The following MYT1L variants were observed in gnomAD, a reference collection of about 807,000 sequenced individuals.
The protein encoded by MYT1L is myelin transcription factor 1-like protein.
In MYT1L, 12 loss-of-function variants were observed where a neutral mutation model predicts 126.7. The observed-to-expected ratio is 0.09, with a 90% CI of 0.06 to 0.15. MYT1L has a LOEUF of 0.15. Ranked by LOEUF, MYT1L falls within the 10% of genes least tolerant of loss-of-function variation. The pLI is 1.00. For missense variants in MYT1L, 979 were observed against 1,585.2 expected (o/e 0.62, Z 6.49); for synonymous variants, 541 against 604.2 (o/e 0.90, Z 1.53).
intron 2 of MYT1L, among the ~76,000 whole-genome samples, chr2:2,183,729 T>C (rs1430360974): frequency 7.3e-6 from 1 of 137,088 alleles, no homozygotes; most frequent in African/African-American, 2.8e-5. Flanking sequence ...TTTGGAGATA[T>C]AACTAAAAGA....
At chr2:2,021,585 T>C (rs1027105676) in intron 4 of MYT1L, among the ~76,000 whole-genome samples, 1 of 152,188 alleles carries the variant, frequency 6.6e-6, no homozygotes, top group Non-Finnish European at 1.5e-5. Flanking sequence ...AGATGACTTT[T>C]ACTTGCATTC....
Position 1,979,841 on chromosome 2 carries a change from C to A in MYT1L, c.1-64G>T. The stretch of plus-strand genomic sequence containing the variant: ...CCTGTGCAGGCCAGCCCTGCAGGGG[C>A]GGCTCACTCTCCCTGGCATTCTATT... On this transcript the variant is annotated intron_variant, in intron 5 of 24. Transcript: ENST00000647738. The surrounding 1 kb of genome is among the most constrained non-coding windows in gnomAD (Gnocchi z 4.0). 6.5e-7 allele frequency: 1 copy of A among 1,549,930 alleles called. No individual in the cohort carries two copies. The highest frequency in any genetic ancestry group is 8.9e-7 in the Non-Finnish European group (1 of 1,124,910).
chr2:2,162,974 G>C (rs557649080), intron 3 of MYT1L, among the ~76,000 whole-genome samples: 2 of 152,202 alleles, frequency 1.3e-5, no homozygotes, highest in Admixed American at 1.3e-4. Flanking sequence ...TTTACTGCCC[G>C]CACTGATAAA....
Position 1,848,125 on chromosome 2 carries a change from G to A in MYT1L, c.2774+3516C>T, listed in dbSNP as rs1049829726. ...CAGCGCATCTGTGGAGATGGTGGAG[G>A]ACAGCTCCTCACCCAGTTTCCCAGA... On this transcript the variant is annotated intron_variant, in intron 19 of 24. Coordinates refer to ENST00000647738, the MANE Select transcript of MYT1L (RefSeq NM_001303052.2). The surrounding 1 kb of genome is among the most constrained non-coding windows in gnomAD (Gnocchi z 4.8). Among the ~76,000 whole-genome samples, 2 of 152,210 alleles carry A rather than the reference G, an allele frequency of 1.3e-5. No individual in the cohort carries two copies. The highest frequency in any genetic ancestry group is 2.9e-5 in the Non-Finnish European group (2 of 68,034).
At chr2:1,841,651 T>C (rs2041733489) in intron 19 of MYT1L, 1 of 151,650 alleles carries the variant, frequency 6.6e-6, no homozygotes, top group Non-Finnish European at 1.5e-5. Context: ...GGAAAGACGC[T>C]GGGGGAGGTT....
At chr2:1,985,712 C>T (rs550427069) in intron 5 of MYT1L, among the ~76,000 whole-genome samples, 10 of 152,354 alleles carry the variant, frequency 6.6e-5, no homozygotes, top group East Asian at 1.9e-4. Flanking sequence ...TTAAAAATCA[C>T]GCTACAAATC....
In MYT1L at chr2:1,912,134, A is replaced by G; in HGVS notation, c.1619-24T>C. 6.5e-6 allele frequency: 10 copies of G among 1,530,428 alleles called. No homozygotes were observed. Among genetic ancestry groups the G allele is most frequent in the Non-Finnish European group, 8.9e-6 (10 of 1,118,910 alleles). 94.8% of individuals were successfully genotyped at this position (1,530,428 alleles called of 1,614,324 possible). ...GACTTGACAGGGAGAGGCAAAGAGA[A>G]CAGCCAGTGTTAAAACAGAGGCACG... On this transcript the variant is annotated intron_variant, in intron 11 of 24. Transcript: ENST00000647738. This position sits in a 1 kb window ranked among gnomAD's most constrained non-coding sequence, Gnocchi z 4.3.
chr2:2,321,023 G>A (rs1034777366), intron 1 of MYT1L, among the ~76,000 whole-genome samples: 1 of 152,188 alleles, frequency 6.6e-6, no homozygotes, highest in Admixed American at 6.5e-5. Context: ...ATGCCATGCT[G>A]GCATGAGGTA....
chr2:2,016,438 C>T (rs1040432246), intron 4 of MYT1L, among the ~76,000 whole-genome samples: 13 of 152,208 alleles, frequency 8.5e-5, no homozygotes, highest in African/African-American at 3.1e-4. Flanking sequence ...GATGGGGAAG[C>T]ACACGAAACC....
intron 14 of MYT1L, 109 bp from the exon 15 acceptor site, chr2:1,892,396 G>T: frequency 7.0e-7 from 1 of 1,435,658 alleles, no homozygotes. Context: ...AGCCGCGTGG[G>T]ACGGCCCTCA....
At chr2:1,881,601 G>A (rs1282951273) in intron 18 of MYT1L, among the ~76,000 whole-genome samples, 1 of 152,076 alleles carries the variant, frequency 6.6e-6, no homozygotes, top group Non-Finnish European at 1.5e-5. Context: ...TGGTAGCACT[G>A]GGTCCCTGGA....
At chr2:2,080,661 G>T (rs1047454805) in intron 3 of MYT1L, among the ~76,000 whole-genome samples, 5 of 152,088 alleles carry the variant, frequency 3.3e-5, no homozygotes, top group African/African-American at 1.2e-4. Flanking sequence ...GGTGGCTATT[G>T]CAAAAAAGGA....
intron 3 of MYT1L, among the ~76,000 whole-genome samples, chr2:2,167,657 C>T (rs1032762966): frequency 1.8e-4 from 28 of 152,244 alleles, no homozygotes; most frequent in African/African-American, 6.5e-4. Flanking sequence ...CACATCTGAA[C>T]TGTGCTTGTC....
chr2:1,860,830 G>T (rs568448020), intron 18 of MYT1L, among the ~76,000 whole-genome samples: 1 of 152,064 alleles, frequency 6.6e-6, no homozygotes, highest in Non-Finnish European at 1.5e-5. Flanking sequence ...GAGGGTTAAT[G>T]GTGGGGGCTG....
rs534888836 is a variant in MYT1L, at chr2:2,040,170, C to A, written c.-158+13808G>T. Among the ~76,000 whole-genome samples the A allele has an allele frequency of 9.6e-4, 146 of 152,264 alleles. 2 individuals are homozygous for A. The South Asian group carries it at 0.03, about 31-fold the overall frequency. On this transcript the variant is annotated intron_variant, in intron 4 of 24. Coordinates refer to ENST00000647738, the MANE Select transcript of MYT1L (RefSeq NM_001303052.2). Reference sequence around the variant, plus strand: ...TGTCCTGGTGTTCTGGTTTAATAATCCTCCTAGGGCTGTATATTTGGAAAC... The same window carrying A: ...TGTCCTGGTGTTCTGGTTTAATAATACTCCTAGGGCTGTATATTTGGAAAC...
chr2:2,260,616 AT>A (rs1166459060), intron 2 of MYT1L, among the ~76,000 whole-genome samples: 1 of 150,774 alleles, frequency 6.6e-6, no homozygotes, highest in South Asian at 2.1e-4. Context: ...TGTTTTACGT[AT>A]TTTTTTCTAT....
At chr2:2,262,205 T>G (rs1208789115) in intron 2 of MYT1L, among the ~76,000 whole-genome samples, 1 of 152,164 alleles carries the variant, frequency 6.6e-6, no homozygotes, top group African/African-American at 2.4e-5. Flanking sequence ...TGGGGAAGAA[T>G]AATGAATGAA....
intron 2 of MYT1L, among the ~76,000 whole-genome samples, chr2:2,209,623 T>C (rs1270107683): frequency 6.6e-6 from 1 of 152,228 alleles, no homozygotes. Flanking sequence ...TGTGCATACA[T>C]ATATTTTTAA....
At chr2:2,001,059 T>C (rs374805458) in intron 4 of MYT1L, among the ~76,000 whole-genome samples, 5 of 152,210 alleles carry the variant, frequency 3.3e-5, no homozygotes, top group African/African-American at 1.2e-4. Context: ...CAACCTTTTT[T>C]CATTCTTAAT....
Sources: allele counts gnomAD v4.1 joint callset (sites outside exome capture counted in the v4.1 genomes callset), GRCh38; gene constraint gnomAD v4.1.1; non-coding constraint Gnocchi (gnomAD v3.1); transcripts MANE v1.5; gene names NCBI Gene and HGNC (gene_info 2026-07-23, HGNC 2026-07-21).